The following CMIP variants were observed in gnomAD, a reference collection of about 807,000 sequenced individuals.
CMIP encodes C-Maf-inducing protein.
Under a neutral mutation model 97.3 loss-of-function variants are expected in CMIP, and 13 were observed. The ratio of observed to expected loss-of-function variants is 0.13; its 90% confidence interval spans 0.09 to 0.21. CMIP has a LOEUF of 0.21. CMIP is among the 10% of genes least tolerant of loss of function. The pLI, the probability that CMIP is intolerant of heterozygous loss-of-function variation, is 1.00. For missense variants in CMIP, 847 were observed against 1,024.9 expected (o/e 0.83, Z 2.37); for synonymous variants, 538 against 436.3 (o/e 1.23, Z -2.91).
intron 1 of CMIP, among the ~76,000 whole-genome samples, chr16:81,572,267 G>T (rs1433960824): frequency 6.6e-6 from 1 of 152,258 alleles, no homozygotes; most frequent in Non-Finnish European, 1.5e-5. Context: ...CTAGCCTGGA[G>T]TTGGGCTGTC....
chr16:81,460,855 A>G lies in CMIP; in HGVS notation c.300+15314A>G, dbSNP rs115561759. Among the ~76,000 whole-genome samples, 927 of 152,314 alleles carry G rather than the reference A, an allele frequency of 6.1e-3. 8 individuals are homozygous for G. The highest frequency in any genetic ancestry group is 0.021 in the African/African-American group (884 of 41,568). Reference sequence around the variant, plus strand: ...GGTGGTGGTGATGATGACGGTGATGATGGTAGTGGCCATTTCTTTGCCTAC... The same window carrying G: ...GGTGGTGGTGATGATGACGGTGATGGTGGTAGTGGCCATTTCTTTGCCTAC... On this transcript the variant is annotated intron_variant, in intron 1 of 20. Coordinates refer to ENST00000537098, the MANE Select transcript of CMIP (RefSeq NM_198390.3).
At chr16:81,489,821 C>T (rs1444230160) in intron 1 of CMIP, among the ~76,000 whole-genome samples, 1 of 152,244 alleles carries the variant, frequency 6.6e-6, no homozygotes, top group East Asian at 1.9e-4. Context: ...CAGGAGGAGG[C>T]ACAGGGGAAG....
In CMIP at chr16:81,495,587, C is replaced by A. The variant is rs1597475167; in HGVS notation, c.300+50046C>A. ...GCTGGCCACAGGCCAGTGAAATTCA[C>A]AGACCCACTTCTCAGAGGGTGGGCA... On this transcript the variant is annotated intron_variant, in intron 1 of 20. Coordinates refer to ENST00000537098, the MANE Select transcript of CMIP (RefSeq NM_198390.3). 10 of 1,352,672 alleles carry A rather than the reference C, an allele frequency of 7.4e-6. No individual in the cohort carries two copies. The East Asian group carries it at 2.4e-4, about 33-fold the overall frequency. The allele number at this position is 1,352,672 out of a possible 1,614,324, so 83.8% of individuals were successfully genotyped here.
chr16:81,524,776 G>A lies in CMIP; in HGVS notation c.300+79235G>A, dbSNP rs545213266. 4.6e-5 allele frequency among the ~76,000 whole-genome samples: 7 copies of A among 152,074 alleles called. No individual in the cohort carries two copies. In the East Asian group the frequency reaches 9.7e-4, roughly 21 times the overall value. Reference sequence around the variant, plus strand: ...TGCGCCTTCCCATGTTCTGCAGGGAGCATTTTTATTTCTTTTCTTTCTTTT... The same window carrying A: ...TGCGCCTTCCCATGTTCTGCAGGGAACATTTTTATTTCTTTTCTTTCTTTT... On this transcript the variant is annotated intron_variant, in intron 1 of 20. Transcript: ENST00000537098.
chr16:81,646,003 G>A (rs552589612), intron 3 of CMIP, among the ~76,000 whole-genome samples: 2 of 152,152 alleles, frequency 1.3e-5, no homozygotes, highest in African/African-American at 4.8e-5. Flanking sequence ...ATAGTGCTTG[G>A]CACGTCATAG....
chr16:81,530,331 G>T (rs1157636909), intron 1 of CMIP, among the ~76,000 whole-genome samples: 2 of 152,186 alleles, frequency 1.3e-5, no homozygotes, highest in East Asian at 3.9e-4. Flanking sequence ...AGTAAAGGTG[G>T]ATCCGGATCC....
chr16:81,607,768 G>A, intron 2 of CMIP, 76 bp downstream of exon 2: 1 of 1,499,646 alleles, frequency 6.7e-7, no homozygotes, highest in South Asian at 1.2e-5. Flanking sequence ...TTCCCTTGGA[G>A]GGAGCCAGCA....
chr16:81,620,649 C>T (rs1023024048), intron 2 of CMIP: 18 of 513,206 alleles, frequency 3.5e-5, no homozygotes, highest in East Asian at 1.0e-4. Flanking sequence ...AGGAAGCACA[C>T]GGTGCTAGTG....
intron 1 of CMIP, among the ~76,000 whole-genome samples, chr16:81,490,676 G>T (rs1409391242): frequency 6.6e-6 from 1 of 152,138 alleles, no homozygotes; most frequent in Non-Finnish European, 1.5e-5. Flanking sequence ...AAGAAGACAA[G>T]ACCCACACAG....
In CMIP at chr16:81,445,128, C is replaced by T. The variant is rs1188873506; in HGVS notation, c.-114C>T. ...GCGGGCGCCCCCAGCCCCACACCCC[C>T]CCACCTTCCCGGGGGGTGGGGGGGT... On this transcript the variant is annotated 5_prime_UTR_variant, in exon 1 of 21. Transcript: ENST00000537098. 8.0e-6 allele frequency: 4 copies of T among 501,968 alleles called. No homozygotes were observed. Among genetic ancestry groups the T allele is most frequent in the Non-Finnish European group, 1.3e-5 (4 of 311,968 alleles). 31.1% of individuals were successfully genotyped at this position (501,968 alleles called of 1,614,324 possible). A position where few individuals can be genotyped will look rare whatever the true frequency, so the allele number is the denominator to read the frequency against.
chr16:81,465,076 C>G (rs141907877), intron 1 of CMIP, among the ~76,000 whole-genome samples: 2 of 152,072 alleles, frequency 1.3e-5, no homozygotes, highest in African/African-American at 4.8e-5. Context: ...CATCTACGAG[C>G]GGACATTTAT....
intron 1 of CMIP, among the ~76,000 whole-genome samples, chr16:81,465,385 C>T (rs1416086695): frequency 6.6e-6 from 1 of 152,204 alleles, no homozygotes; most frequent in Non-Finnish European, 1.5e-5. Flanking sequence ...TGGACTTTCA[C>T]TACCACCAGG....
chr16:81,495,803 C>G (rs978952268), intron 1 of CMIP, among the ~76,000 whole-genome samples: 3 of 152,240 alleles, frequency 2.0e-5, no homozygotes, highest in African/African-American at 7.2e-5. Context: ...GGGGCATCTG[C>G]TGGCCTCCCT....
At chr16:81,603,363 T>A in intron 1 of CMIP, 1 of 454,256 alleles carries the variant, frequency 2.2e-6, no homozygotes, top group South Asian at 1.6e-5. Context: ...ATTACAGGCG[T>A]GAGCCACCGC....
Position 81,670,518 on chromosome 16 carries a change from C to T in CMIP, c.929+273C>T, listed in dbSNP as rs533882458. Among the ~76,000 whole-genome samples, 15 of 149,496 alleles carry T rather than the reference C, an allele frequency of 1.0e-4. No individual in the cohort carries two copies. In the South Asian group the frequency reaches 2.1e-3, roughly 21 times the overall value. On this transcript the variant is annotated intron_variant, in intron 8 of 20. Coordinates refer to ENST00000537098, the MANE Select transcript of CMIP (RefSeq NM_198390.3). Reference sequence around the variant, plus strand: ...CCTGGTGGTCCCAGAGCGTCATCGTCGGGTGCTTGAACAATCACCCCATAA... The same window carrying T: ...CCTGGTGGTCCCAGAGCGTCATCGTTGGGTGCTTGAACAATCACCCCATAA...
chr16:81,496,806 G>A (rs1038521121), intron 1 of CMIP, among the ~76,000 whole-genome samples: 1 of 152,248 alleles, frequency 6.6e-6, no homozygotes, highest in Admixed American at 6.5e-5. Context: ...CAATTAAAAT[G>A]AGCAGAGTCT....
chr16:81,515,860 T>A (rs1283245219), intron 1 of CMIP, among the ~76,000 whole-genome samples: 1 of 152,114 alleles, frequency 6.6e-6, no homozygotes, highest in Non-Finnish European at 1.5e-5. Context: ...GCAAGAGGAA[T>A]GGAGAAGCCA....
chr16:81,667,797 A>AGTGTGTGT lies in CMIP; in HGVS notation c.826-2344_826-2343insTGTGTGTG, dbSNP rs1474036026. On this transcript the variant is annotated intron_variant, in intron 7 of 20. Coordinates refer to ENST00000537098, the MANE Select transcript of CMIP (RefSeq NM_198390.3). ...GAGAGAGAGAGAGAGAGAGAGAGAG[A>AGTGTGTGT]GAGTGTGTGTGTGTGTGTGTGTGTG... Among the ~76,000 whole-genome samples, 309 of 64,984 alleles carry AGTGTGTGT rather than the reference A, an allele frequency of 4.8e-3. 1 individual carries two copies. The highest frequency in any genetic ancestry group is 0.01 in the South Asian group (18 of 1,754). 42.6% of individuals were successfully genotyped at this position (64,984 alleles called of 152,430 possible).
At position 81,645,778 on chromosome 16, in the gene CMIP, C is replaced by T. The variant is rs1300525705; in HGVS notation, c.478-6425C>T. On this transcript the variant is annotated intron_variant, in intron 3 of 20. Transcript: ENST00000537098. ...CTCCCTGGACTACTCCTTTACAGAACTTGGTAGGTGAAAACAATCAGAGCT... is the reference window on the plus strand; with the variant it reads ...CTCCCTGGACTACTCCTTTACAGAATTTGGTAGGTGAAAACAATCAGAGCT... The T allele has an allele frequency of 1.4e-5, 9 of 659,408 alleles. 1 individual carries two copies. The highest frequency in any genetic ancestry group is 2.4e-5 in the Non-Finnish European group (9 of 379,766). The allele number at this position is 659,408 out of a possible 1,614,324, so 40.8% of individuals were successfully genotyped here.
Sources: gnomAD v4.1 joint callset for allele counts (sites outside exome capture counted in the v4.1 genomes callset) on GRCh38, gnomAD v4.1.1 for gene constraint, MANE v1.5 for transcripts, NCBI Gene and HGNC (gene_info 2026-07-23, HGNC 2026-07-21) for gene names.